Variants in HPS1 observed in about 807,000 individuals in gnomAD.
HPS1 encodes BLOC-3 complex member HPS1.
Under a neutral mutation model 90.6 loss-of-function variants are expected in HPS1, and 59 were observed. That is an observed-to-expected ratio of 0.65 (90% CI 0.53 to 0.81). HPS1 has a LOEUF of 0.81. HPS1 is among the 30% of genes least tolerant of loss of function. The pLI is 0.00. For missense variants in HPS1, 849 were observed against 896.7 expected (o/e 0.95, Z 0.68); for synonymous variants, 388 against 384.4 (o/e 1.01, Z -0.11).
At chr10:98,432,134 C>T (rs1181408200) in intron 6 of HPS1, among the ~76,000 whole-genome samples, 1 of 152,182 alleles carries the variant, frequency 6.6e-6, no homozygotes, top group Non-Finnish European at 1.5e-5. Flanking sequence ...ACAAGAGAGG[C>T]ATAAGATGAA....
At position 98,431,112 on chromosome 10, in the gene HPS1, T is replaced by A. The variant is rs370266849; in HGVS notation, c.668+19A>T. The A allele has an allele frequency of 1.9e-6, 3 of 1,613,776 alleles. No individual in the cohort carries two copies. Among genetic ancestry groups the A allele is most frequent in the African/African-American group, 1.3e-5 (1 of 75,046 alleles). ...GGCCAGGGAGCCTTTAGCCACCACA[T>A]GCCAGACCTTGAGCTCACCTAGAGT... On this transcript the variant is annotated intron_variant, in intron 7 of 19. Transcript: ENST00000361490.
At position 98,417,426 on chromosome 10, in the gene HPS1, A is replaced by T. The variant is rs1383669006; in HGVS notation, c.*138T>A. The T allele has an allele frequency of 5.7e-6, 4 of 697,180 alleles. No homozygotes were observed. The highest frequency in any genetic ancestry group is 3.8e-5 in the African/African-American group (2 of 52,816). The allele number at this position is 697,180 out of a possible 1,614,324, so 43.2% of individuals were successfully genotyped here. On this transcript the variant is annotated 3_prime_UTR_variant, in exon 20 of 20. Transcript: ENST00000361490. The surrounding 1 kb of genome is among the most constrained non-coding windows in gnomAD (Gnocchi z 4.2). Reference sequence around the variant, plus strand: ...GAGGGTGGTCTAGGTGGGGTTTTAGAAGCCCTGGGGCCACCCTGGGCACTC... The same window carrying T: ...GAGGGTGGTCTAGGTGGGGTTTTAGTAGCCCTGGGGCCACCCTGGGCACTC...
intron 3 of HPS1, among the ~76,000 whole-genome samples, chr10:98,441,295 TG>T (rs1938375168): frequency 1.3e-5 from 2 of 152,348 alleles, no homozygotes; most frequent in African/African-American, 4.8e-5. Context: ...ATTTCTGAGT[TG>T]TAATGTTAAA....
intron 10 of HPS1, 130 bp downstream of exon 10, chr10:98,429,443 C>A: frequency 6.4e-7 from 1 of 1,566,828 alleles, no homozygotes; most frequent in Non-Finnish European, 8.7e-7. Context: ...GTCCTGTGCT[C>A]TAGGAACACG....
downstream of HPS1, among the ~76,000 whole-genome samples, chr10:98,415,840 C>A (rs563343399): frequency 6.5e-4 from 99 of 152,364 alleles, no homozygotes; most frequent in African/African-American, 2.3e-3. Context: ...GTTTTGAAGG[C>A]CTGGCCAGTT....
rs201014731 is a variant in HPS1 at position 98,430,687 on chromosome 10, A to G, written c.669-17T>C. ...GCACTGTGGCTGCAGACACAGGAGC[A>G]TGGCCACCCATCAGCACATGCCCAG... On this transcript the variant is annotated splice_polypyrimidine_tract_variant and intron_variant, in intron 7 of 19. Coordinates refer to ENST00000361490, the MANE Select transcript of HPS1 (RefSeq NM_000195.5). 2.8e-4 allele frequency: 440 copies of G among 1,546,950 alleles called. 1 individual carries two copies. In the African/African-American group the frequency reaches 5.1e-3, roughly 18 times the overall value.
At chr10:98,434,952 T>C (rs1847092021) in intron 5 of HPS1, 1 of 401,496 alleles carries the variant, frequency 2.5e-6, no homozygotes, top group South Asian at 2.2e-5. Flanking sequence ...AGATTTGTAA[T>C]GACGGGTGAT....
At chr10:98,415,082 C>T (rs561613363), downstream of HPS1, 104 of 1,614,078 alleles carry the variant, frequency 6.4e-5, no homozygotes, top group South Asian at 1.2e-4. Flanking sequence ...GTCTCCACGC[C>T]GGGAAGGGAG....
chr10:98,434,208 G>T, intron 5 of HPS1, 117 bp from the exon 6 acceptor site: 1 of 1,000,562 alleles, frequency 1.0e-6, no homozygotes, highest in Non-Finnish European at 1.4e-6. Flanking sequence ...CATATGACCT[G>T]CCCACACAGC....
At chr10:98,446,491 C>T (rs1056500298) in intron 1 of HPS1, among the ~76,000 whole-genome samples, 7 of 152,262 alleles carry the variant, frequency 4.6e-5, no homozygotes, top group African/African-American at 1.7e-4. Context: ...TCTTCAGCAG[C>T]TCCTTCTGGG....
chr10:98,446,650 A>T (rs1385111067), intron 1 of HPS1, among the ~76,000 whole-genome samples, 157 bp downstream of exon 1: 1 of 96,700 alleles, frequency 1.0e-5, no homozygotes, highest in Non-Finnish European at 2.1e-5. Flanking sequence ...CCCGAACCTC[A>T]CGGCCACCCT....
chr10:98,430,601 G>A lies in HPS1; in HGVS notation c.738C>T (p.Pro246=), dbSNP rs1846301187. The change falls in exon 8 of 20, where the codon CCC becomes CCT. Residue 246 remains proline (P), a synonymous_variant. Transcript: ENST00000361490. ...ALILLVQDLY[P]SESTAEDDIQ... ...TGTCGTCCTCTGCTGTGCTCTCGCT[G>A]GGGTAGAGGTCCTGAACCAGGAGGA... 1.3e-6 allele frequency: 2 copies of A among 1,555,364 alleles called. No homozygotes were observed. The highest frequency in any genetic ancestry group is 2.4e-5 in the South Asian group (2 of 84,264).
At chr10:98,425,177 G>A (rs529824037) in intron 13 of HPS1, among the ~76,000 whole-genome samples, 2 of 152,338 alleles carry the variant, frequency 1.3e-5, no homozygotes, top group Non-Finnish European at 2.9e-5. Flanking sequence ...CTGCAGAGAG[G>A]AAGCCCGTGA....
chr10:98,437,554 A>T (rs1847513010), intron 3 of HPS1, among the ~76,000 whole-genome samples: 1 of 152,238 alleles, frequency 6.6e-6, no homozygotes, highest in Non-Finnish European at 1.5e-5. Flanking sequence ...TTGTGTTACA[A>T]CTGCCTGCAG....
intron 3 of HPS1, among the ~76,000 whole-genome samples, chr10:98,438,299 A>G (rs1402164505): frequency 3.3e-5 from 5 of 152,232 alleles, no homozygotes; most frequent in Non-Finnish European, 5.9e-5. Context: ...GGCTCAGAAG[A>G]AAACAGGAAG....
chr10:98,418,456 T>TATA (rs1844410378), intron 18 of HPS1, among the ~76,000 whole-genome samples, 199 bp from the exon 19 acceptor site: 1 of 152,164 alleles, frequency 6.6e-6, no homozygotes, highest in Non-Finnish European at 1.5e-5. Flanking sequence ...ATACAAAGCT[T>TATA]CAAGGGCCGG....
chr10:98,433,624 T>C (rs1846843690), intron 6 of HPS1, among the ~76,000 whole-genome samples: 2 of 152,186 alleles, frequency 1.3e-5, no homozygotes, highest in South Asian at 4.1e-4. Context: ...CAGGGAATCT[T>C]GCCTTTAGCG....
chr10:98,421,394 A>G (rs1480019224), intron 17 of HPS1, among the ~76,000 whole-genome samples: 1 of 152,250 alleles, frequency 6.6e-6, no homozygotes, highest in African/African-American at 2.4e-5. Flanking sequence ...CCTAGAAATA[A>G]TCTGTATGTC....
Position 98,417,609 on chromosome 10 carries a change from C to G in HPS1, c.2058G>C (p.Gln686His), listed in dbSNP as rs780183454. The change falls in exon 20 of 20, where the codon CAG becomes CAC. Residue 686 changes from glutamine (Q) to histidine (H), a missense_variant. By Grantham distance (24) the Gln-to-His change is conservative. Transcript: ENST00000361490. The surrounding 1 kb of genome is among the most constrained non-coding windows in gnomAD (Gnocchi z 4.2). ...AGGCCTCCCAGAGGCGCCGGGCCAG[C>G]TGGCCGGCCTGCTGCACCAGCAGGT... is the stretch of plus-strand genomic sequence containing the variant. ...PTDLLVQQAGQLARRLWEASR... is the reference protein window; with the variant it reads ...PTDLLVQQAGHLARRLWEASR... The G allele has an allele frequency of 3.7e-6, 6 of 1,612,608 alleles. No homozygotes were observed. The highest frequency in any genetic ancestry group is 5.1e-6 in the Non-Finnish European group (6 of 1,179,672).
Sources: gnomAD v4.1 joint callset for allele counts (sites outside exome capture counted in the v4.1 genomes callset) on GRCh38, gnomAD v4.1.1 for gene constraint, Gnocchi (gnomAD v3.1) non-coding constraint, MANE v1.5 for transcripts, NCBI Gene and HGNC (gene_info 2026-07-23, HGNC 2026-07-21) for gene names.